The following NFASC variants were observed in gnomAD, a reference collection of about 807,000 sequenced individuals.
NFASC encodes neurofascin.
Under a neutral mutation model 147.5 loss-of-function variants are expected in NFASC, and 43 were observed. The observed-to-expected ratio is 0.29, with a 90% CI of 0.23 to 0.38. The LOEUF is 0.38. NFASC is among the 10% of genes least tolerant of loss of function. NFASC has a pLI of 1.00. For missense variants in NFASC, 1,320 were observed against 1,689.0 expected (o/e 0.78, Z 3.83); for synonymous variants, 622 against 665.5 (o/e 0.93, Z 1.01).
chr1:204,981,320 C>T (rs558757340), intron 20 of NFASC, among the ~76,000 whole-genome samples: 3 of 152,362 alleles, frequency 2.0e-5, no homozygotes, highest in Non-Finnish European at 4.4e-5. Flanking sequence ...AGAACTCTGA[C>T]CTCTTGGGAA....
intron 8 of NFASC, among the ~76,000 whole-genome samples, chr1:204,965,814 G>A (rs531755801): frequency 2.0e-5 from 3 of 152,326 alleles, no homozygotes; most frequent in South Asian, 2.1e-4. Flanking sequence ...TAGACAGAGA[G>A]GCAATGTAGA....
At chr1:204,876,940 C>T (rs1182999904) in intron 1 of NFASC, among the ~76,000 whole-genome samples, 1 of 143,554 alleles carries the variant, frequency 7.0e-6, no homozygotes, top group African/African-American at 2.6e-5. Context: ...AAAGCAGGCA[C>T]TTTGATGGAG....
intron 3 of NFASC, chr1:204,946,795 G>A (rs2093778017): frequency 2.0e-6 from 1 of 510,822 alleles, no homozygotes; most frequent in Admixed American, 2.0e-5. Flanking sequence ...CCATCCCTGG[G>A]CTGCCAGCCT....
At chr1:204,957,586 G>A (rs578214597) in intron 7 of NFASC, 70 bp from the exon 8 acceptor site, 170 of 1,478,720 alleles carry the variant, frequency 1.1e-4, no homozygotes, top group African/African-American at 9.1e-4. Flanking sequence ...GTGTTCTGTC[G>A]CCAGGACTGC....
At chr1:204,886,729 G>A (rs997816932) in intron 1 of NFASC, among the ~76,000 whole-genome samples, 5 of 152,170 alleles carry the variant, frequency 3.3e-5, no homozygotes, top group African/African-American at 1.2e-4. Context: ...CAACTCCCTT[G>A]CCTAGTGTTA....
chr1:204,999,264 C>T (rs2794860), intron 25 of NFASC: 114,377 of 151,872 alleles, frequency 0.75, 43,256 homozygotes, highest in African/African-American at 0.81. Flanking sequence ...TTAGTGCTTC[C>T]GGGTCATCAT....
At chr1:204,948,743 G>A (rs2093942803) in intron 3 of NFASC, 1 of 518,524 alleles carries the variant, frequency 1.9e-6, no homozygotes, top group African/African-American at 1.9e-5. Flanking sequence ...CATTGAGTCA[G>A]CCTTCGATTC....
At chr1:204,931,508 G>T (rs1463815884) in intron 2 of NFASC, among the ~76,000 whole-genome samples, 1 of 152,182 alleles carries the variant, frequency 6.6e-6, no homozygotes, top group African/African-American at 2.4e-5. Flanking sequence ...ATGTGTGAAT[G>T]TATTTCTCCC....
chr1:204,882,259 A>G (rs2080398394), intron 1 of NFASC, among the ~76,000 whole-genome samples: 1 of 151,924 alleles, frequency 6.6e-6, no homozygotes, highest in African/African-American at 2.4e-5. Flanking sequence ...TGCTTCCCCT[A>G]AAGTCAGGCT....
At position 204,890,776 on chromosome 1, in the gene NFASC, G is replaced by A. The variant is rs2082233651; in HGVS notation, c.-199-29856G>A. 2.6e-5 allele frequency among the ~76,000 whole-genome samples: 4 copies of A among 152,124 alleles called. No homozygotes were observed. In the South Asian group the frequency reaches 8.3e-4, roughly 32 times the overall value. Reference sequence around the variant, plus strand: ...GTAGAGACAGGGTTTTGCCATGTTGGCCAGGCTGGTTTCTAACTTCTGACC... The same window carrying A: ...GTAGAGACAGGGTTTTGCCATGTTGACCAGGCTGGTTTCTAACTTCTGACC... On this transcript the variant is annotated intron_variant, in intron 1 of 29. Coordinates refer to ENST00000339876, the MANE Select transcript of NFASC (RefSeq NM_001005388.3).
intron 27 of NFASC, among the ~76,000 whole-genome samples, chr1:205,007,043 G>T (rs75272292): frequency 5.5e-4 from 84 of 152,174 alleles, no homozygotes; most frequent in Non-Finnish European, 8.8e-4. Flanking sequence ...TCAGCTTGCT[G>T]GGGGTACAGA....
rs376359206 is a variant in NFASC at position 205,015,584 on chromosome 1, A to G, written c.3492-724A>G. ...CAAGGGGAGCTTAGGGTCAGGGCCT[A>G]TGGGCCTCAGAAGGGGCTGGGCATG... On this transcript the variant is annotated intron_variant, in intron 29 of 29. Coordinates refer to ENST00000339876, the MANE Select transcript of NFASC (RefSeq NM_001005388.3). The surrounding 1 kb of genome is among the most constrained non-coding windows in gnomAD (Gnocchi z 4.0). Among the ~76,000 whole-genome samples the G allele has an allele frequency of 6.8e-4, 103 of 152,166 alleles. No homozygotes were observed. In the South Asian group the frequency reaches 0.017, roughly 25 times the overall value.
Position 205,015,427 on chromosome 1 carries a change from A to G in NFASC, c.3492-881A>G, listed in dbSNP as rs577723180. Among the ~76,000 whole-genome samples the G allele has an allele frequency of 5.9e-5, 9 of 152,318 alleles. 1 individual carries two copies. In the South Asian group the frequency reaches 1.5e-3, roughly 25 times the overall value. On this transcript the variant is annotated intron_variant, in intron 29 of 29. Coordinates refer to ENST00000339876, the MANE Select transcript of NFASC (RefSeq NM_001005388.3). This position sits in a 1 kb window ranked among gnomAD's most constrained non-coding sequence, Gnocchi z 4.0. ...AGCCTTTCCAGCCAAGGGAAGGGAC[A>G]TGGTGCCTGAACAGACGCTGGCTCA...
intron 24 of NFASC, among the ~76,000 whole-genome samples, chr1:204,992,708 A>G (rs1028583209): frequency 6.6e-6 from 1 of 152,210 alleles, no homozygotes; most frequent in Non-Finnish European, 1.5e-5. Flanking sequence ...CACCAGGCGA[A>G]TCAGCTGCAA....
At chr1:205,013,535 G>A (rs1054319438) in intron 29 of NFASC, among the ~76,000 whole-genome samples, 6 of 152,188 alleles carry the variant, frequency 3.9e-5, no homozygotes, top group African/African-American at 1.4e-4. Context: ...AGCTGGAAAG[G>A]CCAGGTCCCG....
chr1:204,872,662 C>T (rs547618425), intron 1 of NFASC, among the ~76,000 whole-genome samples: 18 of 152,260 alleles, frequency 1.2e-4, no homozygotes, highest in African/African-American at 4.1e-4. Flanking sequence ...AAGATGAGGG[C>T]CTTCATCATA....
chr1:204,880,610 C>A (rs781540584), intron 1 of NFASC, among the ~76,000 whole-genome samples: 3 of 152,132 alleles, frequency 2.0e-5, no homozygotes, highest in Non-Finnish European at 2.9e-5. Context: ...CCTCAGTCTC[C>A]CAAAGTGCTG....
chr1:205,014,241 C>CT (rs2096303894), intron 29 of NFASC, among the ~76,000 whole-genome samples: 1 of 152,144 alleles, frequency 6.6e-6, no homozygotes, highest in Admixed American at 6.5e-5. Context: ...CCCGCAGACA[C>CT]TGACCCTGGG....
chr1:204,890,263 T>C (rs1477398395), intron 1 of NFASC, among the ~76,000 whole-genome samples: 1 of 152,154 alleles, frequency 6.6e-6, no homozygotes, highest in Non-Finnish European at 1.5e-5. Context: ...GCACATGTGC[T>C]CATGCTGAAG....
Sources: allele counts gnomAD v4.1 joint callset (sites outside exome capture counted in the v4.1 genomes callset), GRCh38; gene constraint gnomAD v4.1.1; non-coding constraint Gnocchi (gnomAD v3.1); transcripts MANE v1.5; gene names NCBI Gene and HGNC (gene_info 2026-07-23, HGNC 2026-07-21).